The following SIRT4 variants were observed in gnomAD, a reference collection of about 807,000 sequenced individuals.
The protein encoded by SIRT4 is NAD-dependent protein lipoamidase sirtuin-4, mitochondrial.
In SIRT4, 23 loss-of-function variants were observed where a neutral mutation model predicts 26.1. The ratio of observed to expected loss-of-function variants is 0.88; its 90% CI spans 0.63 to 1.25. SIRT4 has a LOEUF of 1.25. Among genes scored for constraint, SIRT4 ranks in the 50% most tolerant of loss-of-function variants. The pLI is 0.00. For missense variants in SIRT4, 361 were observed against 405.4 expected (o/e 0.89, Z 0.94); for synonymous variants, 155 against 158.4 (o/e 0.98, Z 0.16).
chr12:120,292,630 G>T, the SIRT4 span, among the ~76,000 whole-genome samples: 1 of 151,754 alleles, frequency 6.6e-6, no homozygotes, highest in East Asian at 1.9e-4. Flanking sequence ...AAAGAAAACA[G>T]GACAGCCAGC....
At chr12:120,307,094 T>G (rs1268303893) in intron 2 of SIRT4, among the ~76,000 whole-genome samples, 4 of 152,216 alleles carry the variant, frequency 2.6e-5, no homozygotes, top group Non-Finnish European at 5.9e-5. Context: ...GAAGTCAGTC[T>G]GCCAATGCTG....
chr12:120,308,453 G>A (rs1872831880), intron 2 of SIRT4, among the ~76,000 whole-genome samples: 1 of 152,128 alleles, frequency 6.6e-6, no homozygotes, highest in Non-Finnish European at 1.5e-5. Flanking sequence ...GATTACAGGC[G>A]TGAGCCACAG....
chr12:120,293,735 C>T, the SIRT4 span, among the ~76,000 whole-genome samples: 70 of 152,042 alleles, frequency 4.6e-4, 2 homozygotes, highest in Non-Finnish European at 1.6e-4. Flanking sequence ...ATCTTTCATG[C>T]CCAAGGGTGG....
chr12:120,310,295 G>A (rs1202463399), intron 2 of SIRT4, among the ~76,000 whole-genome samples: 1 of 152,058 alleles, frequency 6.6e-6, no homozygotes, highest in African/African-American at 2.4e-5. Flanking sequence ...AAGCCCAGGA[G>A]GCGGAGGTTG....
the SIRT4 span, among the ~76,000 whole-genome samples, chr12:120,292,909 C>A: frequency 2.6e-5 from 4 of 152,222 alleles, no homozygotes; most frequent in Non-Finnish European, 5.9e-5. Context: ...AAATCAGCAA[C>A]TCCAACTTTC....
At chr12:120,297,830 G>T (rs1042578539), upstream of SIRT4, among the ~76,000 whole-genome samples, 6 of 152,252 alleles carry the variant, frequency 3.9e-5, no homozygotes, top group Non-Finnish European at 8.8e-5. Context: ...TAAAAGTTAT[G>T]ATCAAATACC....
At chr12:120,305,195 C>A (rs1216564307) in intron 2 of SIRT4, among the ~76,000 whole-genome samples, 1 of 151,052 alleles carries the variant, frequency 6.6e-6, no homozygotes, top group East Asian at 2.0e-4. Context: ...GAAAGTTGAG[C>A]AAGCTAGGGT....
chr12:120,307,171 T>G (rs142387052), intron 2 of SIRT4, among the ~76,000 whole-genome samples: 1 of 152,196 alleles, frequency 6.6e-6, no homozygotes, highest in South Asian at 2.1e-4. Flanking sequence ...ATTATAACAC[T>G]AACTACTGTG....
Position 120,312,584 on chromosome 12 carries a change from A to G in SIRT4, c.626A>G (p.Glu209Gly), listed in dbSNP as rs1353535443. 6.2e-7 allele frequency: 1 copy of G among 1,614,068 alleles called. No homozygotes were observed. The highest frequency in any genetic ancestry group is 8.5e-7 in the Non-Finnish European group (1 of 1,180,048). Residue 209 changes from glutamate to glycine, a missense_variant, in exon 3 of 4, where the codon GAG becomes GGG. By Grantham distance (98) the Glu-to-Gly change is moderately conservative (BLOSUM62 -2). Transcript: ENST00000202967. ...LAPDGDVFLS[E>G]EQVRSFQVPT... is the part of the protein sequence containing the mutation. ...CCTGATGGTGACGTCTTTCTCTCAG[A>G]GGAGCAAGTCCGGAGCTTTCAGGTC...
chr12:120,302,435 G>C (rs371516938), intron 1 of SIRT4, 57 bp downstream of exon 1: 1 of 152,270 alleles, frequency 6.6e-6, no homozygotes, highest in African/African-American at 2.4e-5. Flanking sequence ...TCTTGTGAGG[G>C]ATTCTATTTC....
At chr12:120,293,083 G>T in the SIRT4 span, 1 of 84,288 alleles carries the variant, frequency 1.2e-5, no homozygotes, top group Non-Finnish European at 2.7e-5. Flanking sequence ...TTGTTCAACT[G>T]CAAGAAAATT....
intron 2 of SIRT4, among the ~76,000 whole-genome samples, chr12:120,304,835 ATTTTTTTT>A (rs1169655844): frequency 0.011 from 284 of 24,704 alleles, no homozygotes; most frequent in Middle Eastern, 0.024. Context: ...ATATATATAT[ATTTTTTTT>A]TTTTTTTTTT....
At position 120,311,431 on chromosome 12, in the gene SIRT4, T is replaced by C. The variant is rs543501376; in HGVS notation, c.498-1025T>C. Among the ~76,000 whole-genome samples the C allele has an allele frequency of 1.9e-4, 28 of 149,030 alleles. No homozygotes were observed. In the South Asian group the frequency reaches 5.6e-3, roughly 30 times the overall value. On this transcript the variant is annotated intron_variant, in intron 2 of 3. Transcript: ENST00000202967. ...CCCTCACTGGCTCAAGCTCTGGTGA[T>C]TGGAGAGGTGAGAAGGGGGGCCAGG...
upstream of SIRT4, among the ~76,000 whole-genome samples, chr12:120,301,213 C>T (rs749901388): frequency 3.5e-4 from 53 of 152,244 alleles, no homozygotes; most frequent in Non-Finnish European, 7.2e-4. Flanking sequence ...GGCGTAGTGG[C>T]ATGCGCCCAT....
chr12:120,293,797 C>T, the SIRT4 span, among the ~76,000 whole-genome samples: 1 of 152,066 alleles, frequency 6.6e-6, no homozygotes. Flanking sequence ...CCTTCTCCTC[C>T]AGCCCCCGTG....
Position 120,312,545 on chromosome 12 carries a change from C to A in SIRT4, c.587C>A (p.Ala196Asp), listed in dbSNP as rs1345960006. The change falls in exon 3 of 4, where the codon GCC becomes GAC. Residue 196 changes from alanine to aspartate, a missense_variant. By Grantham distance (126) the Ala-to-Asp change is moderately radical. Transcript: ENST00000202967. ...QVLNPTWSAEAHGLAPDGDVF... is the reference protein window; with the variant it reads ...QVLNPTWSAEDHGLAPDGDVF... ...CTGAACCCCACCTGGAGTGCTGAGG[C>A]CCATGGCCTGGCTCCTGATGGTGAC... The A allele has an allele frequency of 6.2e-7, 1 of 1,614,144 alleles. No individual in the cohort carries two copies. The highest frequency in any genetic ancestry group is 2.2e-5 in the East Asian group (1 of 44,870).
chr12:120,308,166 T>C (rs63412260), intron 2 of SIRT4, among the ~76,000 whole-genome samples: 10 of 14,750 alleles, frequency 6.8e-4, no homozygotes, highest in Non-Finnish European at 9.8e-4. Flanking sequence ...CCAAGAAAGC[T>C]TTTTTTTTTT....
chr12:120,312,664 G>T lies in SIRT4; in HGVS notation c.706G>T (p.Asp236Tyr). The change falls in exon 3 of 4, where the codon GAC becomes TAC. Residue 236 changes from aspartate to tyrosine, a missense_variant. By Grantham distance (160) the Asp-to-Tyr change is radical (BLOSUM62 -3). Coordinates refer to ENST00000202967, the MANE Select transcript of SIRT4 (RefSeq NM_012240.3). ...GAAACCAGATGTCGTTTTCTTCGGG[G>T]ACACAGTGAACCCTGACAAGGTTGA... is the stretch of plus-strand genomic sequence containing the variant. ...HLKPDVVFFG[D>Y]TVNPDKVDFV... The T allele has an allele frequency of 6.2e-7, 1 of 1,614,094 alleles. No homozygotes were observed.
chr12:120,310,406 G>A (rs1216824577), intron 2 of SIRT4, among the ~76,000 whole-genome samples: 2 of 152,038 alleles, frequency 1.3e-5, no homozygotes, highest in Non-Finnish European at 2.9e-5. Flanking sequence ...TTTGTAGAGA[G>A]AGCGTCTTGC....
Sources: gnomAD v4.1 joint callset for allele counts (sites outside exome capture counted in the v4.1 genomes callset) on GRCh38, gnomAD v4.1.1 for gene constraint, MANE v1.5 for transcripts, NCBI Gene and HGNC (gene_info 2026-07-23, HGNC 2026-07-21) for gene names.